ETV4: variants seen among roughly 807,000 people sequenced by gnomAD.
ETV4 encodes the protein ETS translocation variant 4.
Under a neutral mutation model 65.9 loss-of-function variants are expected in ETV4, and 42 were observed. The observed-to-expected ratio is 0.64, with a 90% CI of 0.50 to 0.82. The LOEUF (loss-of-function observed/expected upper bound fraction) is 0.82. Among genes scored for constraint, ETV4 ranks in the 40% least tolerant of loss-of-function variants. ETV4 has a pLI of 0.00. For synonymous variants in ETV4, 238 were observed against 260.0 expected (o/e 0.92, Z 0.81); for missense variants, 583 against 630.3 (o/e 0.92, Z 0.80).
intron 12 of ETV4, 119 bp downstream of exon 12, chr17:43,529,016 G>T: frequency 1.0e-6 from 1 of 997,082 alleles, no homozygotes; most frequent in Non-Finnish European, 1.6e-6. Context: ...TTGTCTCTCT[G>T]ACTGATTCAT....
At chr17:43,529,050 A>T in intron 12 of ETV4, 85 bp downstream of exon 12, 1 of 1,279,864 alleles carries the variant, frequency 7.8e-7, no homozygotes, top group Non-Finnish European at 1.1e-6. Flanking sequence ...AAAGTTGCTG[A>T]GAACTGCCCT....
intron 8 of ETV4, among the ~76,000 whole-genome samples, chr17:43,530,670 G>A (rs187596675): frequency 6.6e-6 from 1 of 152,160 alleles, no homozygotes; most frequent in African/African-American, 2.4e-5. Context: ...ATGCACCTGG[G>A]GAAGAGGCAG....
At chr17:43,529,053 A>C (rs958274356) in intron 12 of ETV4, 82 bp downstream of exon 12, 2 of 1,303,704 alleles carry the variant, frequency 1.5e-6, no homozygotes, top group Non-Finnish European at 2.2e-6. Flanking sequence ...GTTGCTGAGA[A>C]CTGCCCTGCT....
chr17:43,544,572 A>C (rs1434456236), intron 4 of ETV4: 1 of 173,318 alleles, frequency 5.8e-6, no homozygotes, highest in Non-Finnish European at 1.2e-5. Context: ...GATGAGTGAC[A>C]AATTAATTTC....
chr17:43,543,296 T>TCTCTCTCTCTCA (rs888736657), intron 4 of ETV4, among the ~76,000 whole-genome samples: 231 of 143,444 alleles, frequency 1.6e-3, no homozygotes, highest in African/African-American at 3.7e-3. Context: ...TCTCTCTCTC[T>TCTCTCTCTCTCA]CACACACACA....
In ETV4 at chr17:43,528,734, CACCAGCCACCTATGGGGAG is replaced by C; in HGVS notation, c.1231-10_1239del. The C allele has an allele frequency of 6.2e-7, 1 of 1,613,940 alleles. No individual in the cohort carries two copies. Among genetic ancestry groups the C allele is most frequent in the Non-Finnish European group, 8.5e-7 (1 of 1,179,888 alleles). On this transcript the variant is annotated splice_acceptor_variant and splice_polypyrimidine_tract_variant and coding_sequence_variant and intron_variant, in exon 13 of 13. Coordinates refer to ENST00000319349, the MANE Select transcript of ETV4 (RefSeq NM_001079675.5). LOFTEE classifies it high-confidence loss of function. ...CACACAAACTTGTACACGTAACGCT[CACCAGCCACCTATGGGGAG>C]AGAGAAGGTCTGGTCAGCCTGGCTA... is the stretch of plus-strand genomic sequence containing the variant.
In ETV4 at chr17:43,529,165, T is replaced by C. The variant is rs1250108173; in HGVS notation, c.1200A>G (p.Arg400=). Residue 400 remains arginine (R), a synonymous_variant, in exon 12 of 13, where the codon CGA becomes CGG. Transcript: ENST00000319349. The part of the protein sequence containing the change: ...MNYDKLSRSL[R]YYYEKGIMQK... ...GCATGATGCCTTTCTCATAATAGTA[T>C]CGGAGCGAGCGGCTCAGCTTGTCGT... The C allele has an allele frequency of 6.2e-7, 1 of 1,613,828 alleles. No individual in the cohort carries two copies. The highest frequency in any genetic ancestry group is 1.3e-5 in the African/African-American group (1 of 74,844).
chr17:43,530,365 T>C, intron 8 of ETV4, 184 bp from the exon 9 acceptor site: 1 of 1,454,224 alleles, frequency 6.9e-7, no homozygotes, highest in Non-Finnish European at 9.1e-7. Flanking sequence ...GGGAGTGTGA[T>C]GCTGGAACCC....
At chr17:43,532,510 AAAAG>A (rs775396599) in intron 8 of ETV4, among the ~76,000 whole-genome samples, 160 bp downstream of exon 8, 3 of 152,168 alleles carry the variant, frequency 2.0e-5, no homozygotes, top group East Asian at 1.9e-4. Context: ...AAAAAAAAGA[AAAAG>A]AAAGAAAAAT....
At chr17:43,531,705 C>CAAACA (rs902506924) in intron 8 of ETV4, among the ~76,000 whole-genome samples, 12 of 152,166 alleles carry the variant, frequency 7.9e-5, no homozygotes, top group African/African-American at 1.4e-4. Context: ...TGTCTCAAAA[C>CAAACA]AAACAAAACA....
At chr17:43,545,868 C>A (rs1476623785) in intron 1 of ETV4, 200 bp from the exon 2 acceptor site, 7 of 591,258 alleles carry the variant, frequency 1.2e-5, no homozygotes, top group Non-Finnish European at 2.1e-5. Flanking sequence ...CACCTGCTCC[C>A]AGGAGCCGGG....
intron 4 of ETV4, among the ~76,000 whole-genome samples, chr17:43,543,083 C>G (rs1971603917): frequency 1.3e-5 from 2 of 152,008 alleles, no homozygotes; most frequent in African/African-American, 4.8e-5. Flanking sequence ...AGCGATCGGC[C>G]TCAGCATCCC....
In ETV4 at chr17:43,546,224, C is replaced by G. The variant is rs1156842184; in HGVS notation, c.-91G>C. On this transcript the variant is annotated 5_prime_UTR_variant, in exon 1 of 13. Coordinates refer to ENST00000319349, the MANE Select transcript of ETV4 (RefSeq NM_001079675.5). ...TCTGGGCTGGAGCCGCGGGGGGTCC[C>G]GAGCATGCCCTGGAGCCCGCACCGA... The G allele has an allele frequency of 6.5e-6, 1 of 152,846 alleles. No individual in the cohort carries two copies. Among genetic ancestry groups the G allele is most frequent in the Non-Finnish European group, 1.5e-5 (1 of 68,778 alleles). 9.5% of individuals were successfully genotyped at this position (152,846 alleles called of 1,614,324 possible).
rs548783376 is a variant in ETV4, at chr17:43,545,427, G to T, written c.61-60C>A. ...CTGAGGCGCTTAGTCTGGGGGACGAGGTTGGGGTCCTCGGGTGACTCAGGG... is the reference window on the plus strand; with the variant it reads ...CTGAGGCGCTTAGTCTGGGGGACGATGTTGGGGTCCTCGGGTGACTCAGGG... On this transcript the variant is annotated intron_variant, in intron 2 of 12. Coordinates refer to ENST00000319349, the MANE Select transcript of ETV4 (RefSeq NM_001079675.5). 30 of 1,480,806 alleles carry T rather than the reference G, an allele frequency of 2.0e-5. No individual in the cohort carries two copies. The East Asian group carries it at 6.9e-4, about 34-fold the overall frequency. 91.7% of individuals were successfully genotyped at this position (1,480,806 alleles called of 1,614,324 possible).
intron 4 of ETV4, among the ~76,000 whole-genome samples, chr17:43,537,777 G>A (rs547797533): frequency 3.9e-4 from 59 of 150,548 alleles, no homozygotes; most frequent in African/African-American, 1.3e-3. Context: ...GGCGGATCAC[G>A]AGGTCAGGAG....
At position 43,528,636 on chromosome 17, in the gene ETV4, C is replaced by G; in HGVS notation, c.1338G>C (p.Arg446=). Residue 446 remains arginine, a synonymous_variant, in exon 13 of 13, where the codon CGG becomes CGC. Coordinates refer to ENST00000319349, the MANE Select transcript of ETV4 (RefSeq NM_001079675.5). ...GGACTGTGTCCTCCTCACTGACAGG[C>G]CGGTCAAACTCAGCCTTGAGAGCTG... ...QRPALKAEFD[R]PVSEEDTVPL... 6.2e-7 allele frequency: 1 copy of G among 1,614,156 alleles called. No individual in the cohort carries two copies. Among genetic ancestry groups the G allele is most frequent in the Non-Finnish European group, 8.5e-7 (1 of 1,180,016 alleles).
At chr17:43,543,608 C>T (rs1178099842) in intron 4 of ETV4, among the ~76,000 whole-genome samples, 1 of 152,152 alleles carries the variant, frequency 6.6e-6, no homozygotes, top group Non-Finnish European at 1.5e-5. Context: ...AAACTGACAC[C>T]TCTGCATTCT....
At chr17:43,536,660 C>T (rs1210889990) in intron 4 of ETV4, among the ~76,000 whole-genome samples, 181 bp from the exon 5 acceptor site, 1 of 152,290 alleles carries the variant, frequency 6.6e-6, no homozygotes, top group Non-Finnish European at 1.5e-5. Flanking sequence ...TACACTAACA[C>T]TAACGATAGC....
At chr17:43,545,425 G>C in intron 2 of ETV4, 58 bp from the exon 3 acceptor site, 1 of 1,476,732 alleles carries the variant, frequency 6.8e-7, no homozygotes, top group Non-Finnish European at 9.2e-7. Flanking sequence ...TCTGGGGGAC[G>C]AGGTTGGGGT....
Sources: gnomAD v4.1 joint callset for allele counts (sites outside exome capture counted in the v4.1 genomes callset) on GRCh38, gnomAD v4.1.1 for gene constraint, MANE v1.5 for transcripts, NCBI Gene and HGNC (gene_info 2026-07-23, HGNC 2026-07-21) for gene names.